Variants in SURF2 observed in about 807,000 individuals in gnomAD.
SURF2 encodes the protein surfeit 2.
In SURF2, 32 loss-of-function variants were observed where a neutral mutation model predicts 26.2. The ratio of observed to expected loss-of-function variants is 1.22; its 90% confidence interval spans 0.92 to 1.64. The LOEUF (loss-of-function observed/expected upper bound fraction) is 1.64. Ranked by LOEUF, SURF2 falls within the 40% of genes most tolerant of loss-of-function variation. SURF2 has a pLI of 0.00. For missense variants in SURF2, 415 were observed against 341.6 expected, an observed-to-expected ratio of 1.21 and a Z score of -1.69; for synonymous variants, 173 against 139.1, an observed-to-expected ratio of 1.24 and a Z score of -1.71.
intron 5 of SURF2, 103 bp from the exon 6 acceptor site, chr9:133,360,953 C>G (rs988875491): frequency 4.1e-6 from 5 of 1,227,658 alleles, no homozygotes; most frequent in Non-Finnish European, 5.9e-6. Flanking sequence ...GGTATTTGAC[C>G]GACACCTCTG....
rs1199035787 is a variant in SURF2, at chr9:133,359,952, G to A, written c.340G>A (p.Glu114Lys). 6.2e-7 allele frequency: 1 copy of A among 1,608,408 alleles called. No homozygotes were observed. The highest frequency in any genetic ancestry group is 8.5e-7 in the Non-Finnish European group (1 of 1,176,814). ...RRYQRALCKY[E>K]ECQKQGVEYV... ...GCACGTGCTGGCTTATCTCCCAGATGAAGAATGTCAGAAGCAAGGGGTGGA... is the reference window on the plus strand; with the variant it reads ...GCACGTGCTGGCTTATCTCCCAGATAAAGAATGTCAGAAGCAAGGGGTGGA... The change falls in exon 4 of 6, where the codon GAA becomes AAA. Residue 114 changes from glutamate (E) to lysine (K), a missense_variant and splice_region_variant. By Grantham distance (56) the Glu-to-Lys change is moderately conservative. Coordinates refer to ENST00000371964, the MANE Select transcript of SURF2 (RefSeq NM_017503.5).
intron 3 of SURF2, among the ~76,000 whole-genome samples, chr9:133,359,345 C>G (rs2130041817): frequency 1.2e-4 from 18 of 152,142 alleles, no homozygotes; most frequent in Non-Finnish European, 2.4e-4. Flanking sequence ...CTCATGCAGC[C>G]CATGAGGGAT....
rs2130036799 is a variant in SURF2, at chr9:133,357,799, C to G, written c.322C>G (p.Arg108Gly). The G allele has an allele frequency of 9.9e-6, 16 of 1,613,420 alleles. No individual in the cohort carries two copies. Among genetic ancestry groups the G allele is most frequent in the African/African-American group, 1.3e-5 (1 of 74,946 alleles). The change falls in exon 3 of 6, where the codon CGA becomes GGA. Residue 108 changes from arginine (R) to glycine (G), a missense_variant. By Grantham distance (125) the Arg-to-Gly change is moderately radical. Coordinates refer to ENST00000371964, the MANE Select transcript of SURF2 (RefSeq NM_017503.5). ...LRHTQGRRYQ[R>G]ALCKYEECQK... ...GCACACCCAGGGCCGGCGGTACCAGCGAGCTCTGTGTAAATGTAAGTCCCA... is the reference window on the plus strand; with the variant it reads ...GCACACCCAGGGCCGGCGGTACCAGGGAGCTCTGTGTAAATGTAAGTCCCA...
At chr9:133,360,891 G>A (rs190835817) in intron 5 of SURF2, among the ~76,000 whole-genome samples, 165 bp from the exon 6 acceptor site, 9 of 152,330 alleles carry the variant, frequency 5.9e-5, no homozygotes, top group Middle Eastern at 3.4e-3. Context: ...CCTGCTGAGC[G>A]GGGTCTAATC....
intron 5 of SURF2, among the ~76,000 whole-genome samples, chr9:133,360,778 C>G (rs950054354): frequency 6.6e-6 from 1 of 152,240 alleles, no homozygotes; most frequent in Non-Finnish European, 1.5e-5. Context: ...GCCATCAGGG[C>G]AGGAGTGGAG....
rs2130034176 is a variant in SURF2, at chr9:133,357,439, G to C, written c.234-272G>C. On this transcript the variant is annotated intron_variant, in intron 2 of 5. Coordinates refer to ENST00000371964, the MANE Select transcript of SURF2 (RefSeq NM_017503.5). The stretch of plus-strand genomic sequence containing the variant: ...GGATGTTTCCATTCATTGAGCCCTT[G>C]CTCCAGGTGGAGCCATCCTCTTGCA... Among the ~76,000 whole-genome samples the C allele has an allele frequency of 6.6e-5, 10 of 152,370 alleles. No homozygotes were observed. The South Asian group carries it at 2.1e-3, about 32-fold the overall frequency.
Position 133,360,260 on chromosome 9 carries a change from C to T in SURF2, c.518-5C>T, listed in dbSNP as rs2130049487. ...ACTGTCAGCCAATCCCTGTGTTCCT[C>T]CCAGCTGAGCTATTCACCAGAAAGG... On this transcript the variant is annotated splice_polypyrimidine_tract_variant and splice_region_variant and intron_variant, in intron 4 of 5. Transcript: ENST00000371964. 3 of 1,613,010 alleles carry T rather than the reference C, an allele frequency of 1.9e-6. No homozygotes were observed. Among genetic ancestry groups the T allele is most frequent in the Admixed American group, 1.7e-5 (1 of 59,826 alleles).
intron 3 of SURF2, 133 bp downstream of exon 3, chr9:133,357,947 A>G: frequency 1.2e-6 from 1 of 818,646 alleles, no homozygotes; most frequent in Non-Finnish European, 2.0e-6. Flanking sequence ...TTTTTGGCAC[A>G]GTGAAGAGAG....
chr9:133,359,626 C>T (rs2130043114), intron 3 of SURF2, among the ~76,000 whole-genome samples: 37 of 152,254 alleles, frequency 2.4e-4, no homozygotes, highest in Non-Finnish European at 5.1e-4. Flanking sequence ...AGAGGCCATG[C>T]CAAGCTCACT....
Position 133,360,263 on chromosome 9 carries a change from A to G in SURF2, c.518-2A>G. Reference sequence around the variant, plus strand: ...GTCAGCCAATCCCTGTGTTCCTCCCAGCTGAGCTATTCACCAGAAAGGACC... The same window carrying G: ...GTCAGCCAATCCCTGTGTTCCTCCCGGCTGAGCTATTCACCAGAAAGGACC... On this transcript the variant is annotated splice_acceptor_variant, in intron 4 of 5. Coordinates refer to ENST00000371964, the MANE Select transcript of SURF2 (RefSeq NM_017503.5). LOFTEE classifies it high-confidence loss of function. 1 of 1,613,616 alleles carries G rather than the reference A, an allele frequency of 6.2e-7. No individual in the cohort carries two copies. Among genetic ancestry groups the G allele is most frequent in the Non-Finnish European group, 8.5e-7 (1 of 1,179,744 alleles).
chr9:133,357,509 T>TC (rs1434783264), intron 2 of SURF2, among the ~76,000 whole-genome samples: 1 of 152,182 alleles, frequency 6.6e-6, no homozygotes, highest in Non-Finnish European at 1.5e-5. Context: ...TGCGTGCTTT[T>TC]CCGGTAAACA....
At chr9:133,357,418 G>A (rs1836636539) in intron 2 of SURF2, among the ~76,000 whole-genome samples, 2 of 152,180 alleles carry the variant, frequency 1.3e-5, no homozygotes, top group Non-Finnish European at 1.5e-5. Flanking sequence ...GAGATAGGAT[G>A]TTTCCATTCA....
chr9:133,357,679 G>C (rs2130035398), intron 2 of SURF2, 32 bp from the exon 3 acceptor site: 2 of 1,603,388 alleles, frequency 1.2e-6, no homozygotes, highest in East Asian at 2.2e-5. Flanking sequence ...GCTGTGAACT[G>C]TCCCTACAAA....
In SURF2 at chr9:133,361,117, G is replaced by C; in HGVS notation, c.749G>C (p.Ser250Thr). ...CATCACCGCAAACCCAAGAGCTTCA[G>C]CTCCTGTAAACAGCCAGGTTAATAA... is the stretch of plus-strand genomic sequence containing the variant. Reference protein sequence around the residue: ...KSHHRKPKSFSSCKQPG With the variant: ...KSHHRKPKSFTSCKQPG Residue 250 changes from serine to threonine, a missense_variant, in exon 6 of 6, where the codon AGC becomes ACC. Transcript: ENST00000371964. 1.9e-6 allele frequency: 3 copies of C among 1,614,182 alleles called. No homozygotes were observed. In the South Asian group the frequency reaches 3.3e-5, roughly 18 times the overall value.
At chr9:133,357,919 T>C (rs1318050873) in intron 3 of SURF2, 105 bp downstream of exon 3, 3 of 1,089,676 alleles carry the variant, frequency 2.8e-6, no homozygotes, top group Non-Finnish European at 4.0e-6. Flanking sequence ...GCGATCCGTG[T>C]TGATGCATCA....
intron 1 of SURF2, 111 bp downstream of exon 1, chr9:133,356,781 C>T (rs2130030327): frequency 2.9e-5 from 39 of 1,354,038 alleles, no homozygotes; most frequent in African/African-American, 2.5e-4. Context: ...GAGGGGAGAG[C>T]AGGAGAGAGG....
At chr9:133,357,223 C>T (rs1007798636) in intron 2 of SURF2, 155 bp downstream of exon 2, 10 of 945,588 alleles carry the variant, frequency 1.1e-5, no homozygotes, top group African/African-American at 5.2e-5. Flanking sequence ...GTCCCAGCGG[C>T]GAGGCCTCTT....
chr9:133,360,381 G>A lies in SURF2; in HGVS notation c.634G>A (p.Glu212Lys), dbSNP rs2130050861. ...GCCCCCAAGAGAGAAGGCCACTGAT[G>A]AGGGCAGGAGAGAGACGACCGTGTA... Reference protein sequence around the residue: ...AKPPREKATDEGRRETTVYRG... With the variant: ...AKPPREKATDKGRRETTVYRG... The change falls in exon 5 of 6, where the codon GAG becomes AAG. Residue 212 changes from glutamate (E) to lysine (K), a missense_variant. Coordinates refer to ENST00000371964, the MANE Select transcript of SURF2 (RefSeq NM_017503.5). 3 of 1,613,610 alleles carry A rather than the reference G, an allele frequency of 1.9e-6. No individual in the cohort carries two copies. Among genetic ancestry groups the A allele is most frequent in the Non-Finnish European group, 2.5e-6 (3 of 1,180,000 alleles).
At position 133,360,453 on chromosome 9, in the gene SURF2, T is replaced by G; in HGVS notation, c.687+19T>G. 6.3e-7 allele frequency: 1 copy of G among 1,582,674 alleles called. No individual in the cohort carries two copies. On this transcript the variant is annotated intron_variant, in intron 5 of 5. Transcript: ENST00000371964. ...CGGGAAGGTGAGCTGTCACCTCCTC[T>G]GTTAGTGTGGCAGTGGCTTCCCCTA...
Sources: allele counts gnomAD v4.1 joint callset (sites outside exome capture counted in the v4.1 genomes callset), GRCh38; gene constraint gnomAD v4.1.1; transcripts MANE v1.5; gene names NCBI Gene and HGNC (gene_info 2026-07-23, HGNC 2026-07-21).